Variants in LSP1 observed in about 807,000 individuals in gnomAD.
The protein encoded by LSP1 is lymphocyte specific protein 1.
Under a neutral mutation model 49.3 loss-of-function variants are expected in LSP1, and 32 were observed. The observed-to-expected ratio is 0.65, with a 90% CI of 0.49 to 0.87. LSP1 has a LOEUF of 0.87. Ranked by LOEUF, LSP1 falls within the 40% of genes least tolerant of loss-of-function variation. LSP1 has a pLI of 0.00. For synonymous variants in LSP1, 179 were observed against 178.8 expected, an observed-to-expected ratio of 1.00 and a Z score of -0.01; for missense variants, 428 against 442.6, an observed-to-expected ratio of 0.97 and a Z score of 0.30.
At chr11:1,879,579 C>T (rs1848451527) in intron 1 of LSP1, among the ~76,000 whole-genome samples, 1 of 152,206 alleles carries the variant, frequency 6.6e-6, no homozygotes, top group Non-Finnish European at 1.5e-5. Flanking sequence ...TCCCCTTTCT[C>T]CAACACGCCC....
chr11:1,863,218 G>C (rs527703294), intron 1 of LSP1: 1 of 152,356 alleles, frequency 6.6e-6, no homozygotes, highest in Non-Finnish European at 1.5e-5. Context: ...TGCCCTCCGC[G>C]GTGATTCACC....
chr11:1,890,505 A>T (rs1191312490), intron 10 of LSP1: 1 of 716,696 alleles, frequency 1.4e-6, no homozygotes, highest in Non-Finnish European at 2.6e-6. Context: ...CTTGGGCAGC[A>T]GGGGCGGTGG....
At chr11:1,861,494 GGATA>G (rs1847626776) in intron 1 of LSP1, among the ~76,000 whole-genome samples, 1 of 152,172 alleles carries the variant, frequency 6.6e-6, no homozygotes, top group East Asian at 1.9e-4. Flanking sequence ...ATGGATGGAT[GGATA>G]GATGGGTGGA....
At chr11:1,874,251 G>GGGGCAGTGTTGGGGACAGTGA (rs1848212608) in intron 1 of LSP1, among the ~76,000 whole-genome samples, 1 of 91,228 alleles carries the variant, frequency 1.1e-5, no homozygotes, top group African/African-American at 5.4e-5. Flanking sequence ...GGGGACAGTG[G>GGGGCAGTGTTGGGGACAGTGA]GGGCAGGCTG....
chr11:1,870,300 C>G, intron 1 of LSP1: 1 of 1,299,642 alleles, frequency 7.7e-7, no homozygotes, highest in Non-Finnish European at 1.0e-6. Flanking sequence ...AAGCTTACTC[C>G]CATCCTGGGG....
At chr11:1,876,201 C>T (rs1432909555) in intron 1 of LSP1, among the ~76,000 whole-genome samples, 1 of 152,198 alleles carries the variant, frequency 6.6e-6, no homozygotes, top group African/African-American at 2.4e-5. Flanking sequence ...CCCCTGTGGG[C>T]ACCTTTTCCC....
intron 1 of LSP1, among the ~76,000 whole-genome samples, chr11:1,857,653 G>A (rs1406402699): frequency 6.6e-6 from 1 of 152,210 alleles, no homozygotes; most frequent in Non-Finnish European, 1.5e-5. Flanking sequence ...GTGCTTTCTG[G>A]ATGAGTAAGC....
At chr11:1,865,184 C>G (rs552341730) in intron 1 of LSP1, 56 of 986,004 alleles carry the variant, frequency 5.7e-5, no homozygotes, top group Non-Finnish European at 6.4e-5. Context: ...AGGTCGCCGC[C>G]TGAGCAGAGG....
At chr11:1,869,598 G>A (rs1227804903) in intron 1 of LSP1, 14 of 469,170 alleles carry the variant, frequency 3.0e-5, no homozygotes, top group Admixed American at 2.1e-4. Flanking sequence ...CACGTGGGCC[G>A]CACCTAGCAG....
intron 1 of LSP1, among the ~76,000 whole-genome samples, chr11:1,878,975 C>G (rs1218968578): frequency 6.6e-6 from 1 of 152,036 alleles, no homozygotes; most frequent in Non-Finnish European, 1.5e-5. Context: ...GAGGGGGGCG[C>G]GTGGGACCCC....
intron 1 of LSP1, chr11:1,866,756 C>T: frequency 5.2e-6 from 8 of 1,550,540 alleles, no homozygotes; most frequent in Non-Finnish European, 7.0e-6. Context: ...CCCAGGCTCA[C>T]CAGTGCTACT....
Position 1,887,545 on chromosome 11 carries a change from AG to A in LSP1, c.1007del (p.Gly336AlafsTer113). The A allele has an allele frequency of 6.2e-7, 1 of 1,613,502 alleles. No individual in the cohort carries two copies. Among genetic ancestry groups the A allele is most frequent in the Non-Finnish European group, 8.5e-7 (1 of 1,179,876 alleles). The stretch of plus-strand genomic sequence containing the variant: ...GGAAGTATGAGAAGGTGCTTGTGGA[AG>A]GGGGCCCGGCTCCCTAGGCGTCCCA... ...HGKYEKVLVE[G>X]GPAP is the part of the protein sequence containing the mutation. On this transcript the variant is annotated frameshift_variant, in exon 10 of 11. Transcript: ENST00000311604. LOFTEE classifies it high-confidence loss of function.
chr11:1,868,774 G>T (rs1847877695), intron 1 of LSP1: 1 of 985,746 alleles, frequency 1.0e-6, no homozygotes, highest in South Asian at 4.7e-5. Context: ...CCTGGGCAGG[G>T]TGTCAGGGCC....
chr11:1,872,277 G>T (rs1245098239), intron 1 of LSP1, among the ~76,000 whole-genome samples: 2 of 132,452 alleles, frequency 1.5e-5, no homozygotes, highest in Non-Finnish European at 3.2e-5. Flanking sequence ...GGGTCTGTCC[G>T]GCTGGCGTGG....
intron 1 of LSP1, among the ~76,000 whole-genome samples, chr11:1,864,565 A>C (rs978188428): frequency 4.6e-5 from 7 of 151,468 alleles, no homozygotes; most frequent in African/African-American, 1.7e-4. Flanking sequence ...CTGGGCTGGG[A>C]GAGTTTTCGC....
At chr11:1,866,117 G>A (rs979258067) in intron 1 of LSP1, among the ~76,000 whole-genome samples, 12 of 152,292 alleles carry the variant, frequency 7.9e-5, no homozygotes, top group African/African-American at 2.9e-4. Flanking sequence ...GCCACTCTGA[G>A]CCGCCTGTAG....
chr11:1,859,574 C>G lies in LSP1; in HGVS notation c.53+6377C>G, dbSNP rs140379388. 397 of 154,600 alleles carry G rather than the reference C, an allele frequency of 2.6e-3. 1 individual carries two copies. Among genetic ancestry groups the G allele is most frequent in the African/African-American group, 9.2e-3 (383 of 41,612 alleles). The allele number at this position is 154,600 out of a possible 1,614,324, so 9.6% of individuals were successfully genotyped here. A position where few individuals can be genotyped will look rare whatever the true frequency, so the allele number is the denominator to read the frequency against. On this transcript the variant is annotated intron_variant, in intron 1 of 10. Transcript: ENST00000311604. ...TGGGACTTGGGATAGAAGGATCTAG[C>G]CAATTCGTTCCAGATGAATCTAGAA...
At chr11:1,881,622 G>A (rs767721674) in intron 3 of LSP1, 26 bp downstream of exon 3, 16 of 1,453,982 alleles carry the variant, frequency 1.1e-5, no homozygotes, top group South Asian at 5.6e-5. Context: ...GAGGGCGGGC[G>A]CTGGGCAGAG....
At chr11:1,883,909 G>T in intron 4 of LSP1, 23 bp from the exon 5 acceptor site, 1 of 1,586,930 alleles carries the variant, frequency 6.3e-7, no homozygotes. Flanking sequence ...GGTCACTTGG[G>T]ATGTCTGTTT....
Sources: gnomAD v4.1 joint callset for allele counts (sites outside exome capture counted in the v4.1 genomes callset) on GRCh38, gnomAD v4.1.1 for gene constraint, MANE v1.5 for transcripts, NCBI Gene and HGNC (gene_info 2026-07-23, HGNC 2026-07-21) for gene names.